EPB41L4B: variants seen among roughly 807,000 people sequenced by gnomAD.
The protein encoded by EPB41L4B is band 4.1-like protein 4B.
Under a neutral mutation model 112.5 loss-of-function variants are expected in EPB41L4B, and 30 were observed. The observed-to-expected ratio is 0.27, with a 90% CI of 0.20 to 0.36. The LOEUF (loss-of-function observed/expected upper bound fraction) is 0.36, where lower values mean the gene tolerates loss of function less well. EPB41L4B is among the 10% of genes least tolerant of loss of function. The pLI is 1.00. For synonymous variants in EPB41L4B, 408 were observed against 439.7 expected (o/e 0.93, Z 0.90); for missense variants, 1,024 against 1,133.3 (o/e 0.90, Z 1.38).
chr9:109,212,643 C>T (rs533908265), intron 17 of EPB41L4B, among the ~76,000 whole-genome samples: 1 of 152,162 alleles, frequency 6.6e-6, no homozygotes, highest in Non-Finnish European at 1.5e-5. Flanking sequence ...CCAAATTCTT[C>T]CTATTCCCTC....
At chr9:109,299,778 A>G (rs1221966314) in intron 1 of EPB41L4B, among the ~76,000 whole-genome samples, 1 of 80,556 alleles carries the variant, frequency 1.2e-5, no homozygotes, top group Non-Finnish European at 2.2e-5. Context: ...TCCAATTTCT[A>G]CCCCTTCCTT....
At chr9:109,192,393 A>C in intron 21 of EPB41L4B, 38 bp from the exon 22 acceptor site, 1 of 1,499,434 alleles carries the variant, frequency 6.7e-7, no homozygotes, top group African/African-American at 1.4e-5. Context: ...TAGAGACGGC[A>C]CTGCATTGAT....
intron 2 of EPB41L4B, among the ~76,000 whole-genome samples, chr9:109,277,710 T>G (rs1244852891): frequency 6.6e-6 from 1 of 151,620 alleles, no homozygotes; most frequent in Non-Finnish European, 1.5e-5. Context: ...AAAGGCCAAG[T>G]GAGGACACAG....
At chr9:109,296,272 C>T (rs1353194300) in intron 1 of EPB41L4B, among the ~76,000 whole-genome samples, 1 of 152,172 alleles carries the variant, frequency 6.6e-6, no homozygotes, top group African/African-American at 2.4e-5. Flanking sequence ...CTGAAACTTC[C>T]AAGTCCTGTA....
intron 1 of EPB41L4B, among the ~76,000 whole-genome samples, chr9:109,315,928 A>G (rs1258231861): frequency 6.6e-6 from 1 of 152,094 alleles, no homozygotes; most frequent in East Asian, 1.9e-4. Context: ...TGCCTGGCAC[A>G]GCATTTTTTT....
At chr9:109,260,656 C>G (rs956466110) in intron 6 of EPB41L4B, among the ~76,000 whole-genome samples, 9 of 152,144 alleles carry the variant, frequency 5.9e-5, no homozygotes, top group Non-Finnish European at 1.0e-4. Context: ...CTCAGGTAAT[C>G]CACCCGCCTC....
chr9:109,208,016 G>C lies in EPB41L4B; in HGVS notation c.1786C>G (p.Gln596Glu), dbSNP rs754306445. 6.2e-6 allele frequency: 10 copies of C among 1,614,188 alleles called. No individual in the cohort carries two copies. The highest frequency in any genetic ancestry group is 8.5e-6 in the Non-Finnish European group (10 of 1,180,028). ...EEKKVSEKTL[Q>E]TPLLPSPVAD... is the part of the protein sequence containing the mutation. ...ACAGGGGAAGGCAAAAGTGGAGTCT[G>C]AAGAGTTTTCTCCGAGACTTTCTTT... Residue 596 changes from glutamine (Q) to glutamate (E), a missense_variant, in exon 18 of 26, where the codon CAG (glutamine) becomes GAG (glutamate). Coordinates refer to ENST00000374566, the MANE Select transcript of EPB41L4B (RefSeq NM_019114.5).
Position 109,320,464 on chromosome 9 carries a change from C to A in EPB41L4B, c.-18G>T, listed in dbSNP as rs1837830394. The A allele has an allele frequency of 1.0e-6, 1 of 985,038 alleles. No individual in the cohort carries two copies. Among genetic ancestry groups the A allele is most frequent in the Non-Finnish European group, 1.2e-6 (1 of 832,610 alleles). The allele number at this position is 985,038 out of a possible 1,614,324, so 61.0% of individuals were successfully genotyped here. A position where few individuals can be genotyped will look rare whatever the true frequency, so the allele number is the denominator to read the frequency against. ...CGCAGCATCCTGGCTGGGGGCGCCC[C>A]CTGCCTCCGCCCCCTGCGCTGCCGC... On this transcript the variant is annotated 5_prime_UTR_variant, in exon 1 of 26. Coordinates refer to ENST00000374566, the MANE Select transcript of EPB41L4B (RefSeq NM_019114.5).
intron 1 of EPB41L4B, among the ~76,000 whole-genome samples, chr9:109,293,630 T>C (rs1330357749): frequency 6.7e-6 from 1 of 148,790 alleles, no homozygotes; most frequent in East Asian, 2.0e-4. Flanking sequence ...GTGATCTACC[T>C]GTCTTGGCCT....
rs950864165 is a variant in EPB41L4B, at chr9:109,203,734, T to C, written c.1879-4A>G. On this transcript the variant is annotated splice_region_variant and splice_polypyrimidine_tract_variant and intron_variant, in intron 18 of 25. Coordinates refer to ENST00000374566, the MANE Select transcript of EPB41L4B (RefSeq NM_019114.5). ...ACGGTGATTCCTCCTTTCCACCCTG[T>C]TAAAGAAAGCATTCAGGTTAGTCAA... 1 of 1,613,202 alleles carries C rather than the reference T, an allele frequency of 6.2e-7. No homozygotes were observed. The highest frequency in any genetic ancestry group is 1.7e-5 in the Admixed American group (1 of 60,016).
chr9:109,320,511 G>GCTGCT lies in EPB41L4B; in HGVS notation c.-66_-65insAGCAG. 1.4e-6 allele frequency: 1 copy of GCTGCT among 730,950 alleles called. No individual in the cohort carries two copies. Among genetic ancestry groups the GCTGCT allele is most frequent in the Non-Finnish European group, 1.6e-6 (1 of 623,756 alleles). The allele number at this position is 730,950 out of a possible 1,614,324, so 45.3% of individuals were successfully genotyped here. On this transcript the variant is annotated 5_prime_UTR_variant, in exon 1 of 26. Coordinates refer to ENST00000374566, the MANE Select transcript of EPB41L4B (RefSeq NM_019114.5). ...CCGCTGCCGCTGCCGCTGCCGCTGC[G>GCTGCT]CCGCCGCCCGGGAGCGTCCCGCGAC...
intron 1 of EPB41L4B, among the ~76,000 whole-genome samples, chr9:109,282,356 A>C (rs192755596): frequency 4.9e-4 from 75 of 152,328 alleles, no homozygotes; most frequent in African/African-American, 1.7e-3. Flanking sequence ...AATACACTAA[A>C]AGCTGCTGGA....
At chr9:109,264,169 A>G (rs937073085) in intron 5 of EPB41L4B, among the ~76,000 whole-genome samples, 1 of 152,200 alleles carries the variant, frequency 6.6e-6, no homozygotes, top group African/African-American at 2.4e-5. Context: ...TACTTGTTCT[A>G]TTGGTCTATG....
chr9:109,241,637 A>C, intron 15 of EPB41L4B: 1 of 1,613,328 alleles, frequency 6.2e-7, no homozygotes, highest in Non-Finnish European at 8.5e-7. Context: ...TATGAAGGTG[A>C]ATGGAAGAGA....
At chr9:109,245,647 C>T (rs1307222000) in intron 14 of EPB41L4B, among the ~76,000 whole-genome samples, 1 of 152,224 alleles carries the variant, frequency 6.6e-6, no homozygotes, top group Non-Finnish European at 1.5e-5. Context: ...GAGATCCATC[C>T]TTTGCAGCTG....
chr9:109,285,683 A>G (rs186934863), intron 1 of EPB41L4B, among the ~76,000 whole-genome samples: 36 of 152,176 alleles, frequency 2.4e-4, no homozygotes, highest in African/African-American at 7.7e-4. Context: ...TGCCCTTGAA[A>G]CCACCATCTC....
chr9:109,227,424 C>T (rs1055749234), intron 15 of EPB41L4B, among the ~76,000 whole-genome samples: 31 of 152,028 alleles, frequency 2.0e-4, no homozygotes, highest in African/African-American at 5.6e-4. Context: ...AGAATATATT[C>T]GTAAGGAACA....
intron 6 of EPB41L4B, among the ~76,000 whole-genome samples, chr9:109,261,274 C>T (rs1449534916): frequency 6.6e-6 from 1 of 152,012 alleles, no homozygotes; most frequent in Non-Finnish European, 1.5e-5. Context: ...AACTCTACCA[C>T]CAGTTTAAAG....
chr9:109,277,610 C>T (rs1039037725), intron 2 of EPB41L4B, among the ~76,000 whole-genome samples: 6 of 152,162 alleles, frequency 3.9e-5, no homozygotes, highest in South Asian at 4.1e-4. Context: ...TCTCCAGCAA[C>T]GCCTGGCAGG....
Sources: allele counts gnomAD v4.1 joint callset (sites outside exome capture counted in the v4.1 genomes callset), GRCh38; gene constraint gnomAD v4.1.1; transcripts MANE v1.5; gene names NCBI Gene and HGNC (gene_info 2026-07-23, HGNC 2026-07-21).